Variants in KAT6A observed in about 807,000 individuals in gnomAD.
KAT6A encodes the protein lysine acetyltransferase 6A.
Under a neutral mutation model 198.4 loss-of-function variants are expected in KAT6A, and 9 were observed. That is an observed-to-expected ratio of 0.05 (90% CI 0.03 to 0.08). KAT6A has a LOEUF of 0.08. Ranked by LOEUF, KAT6A falls within the 10% of genes least tolerant of loss-of-function variation. The pLI, the probability that KAT6A is intolerant of heterozygous loss-of-function variation, is 1.00. For missense variants in KAT6A, 2,077 were observed against 2,509.9 expected (o/e 0.83, Z 3.69); for synonymous variants, 890 against 883.0 (o/e 1.01, Z -0.14).
chr8:41,990,994 CAAAAAAAAAAAAAAAA>C (rs61543371), intron 2 of KAT6A, among the ~76,000 whole-genome samples: 9 of 80,752 alleles, frequency 1.1e-4, no homozygotes, highest in African/African-American at 4.7e-4. Flanking sequence ...GACTCCGTCT[CAAAAAAAAAAAAAAAA>C]AAAAAAAAAG....
chr8:42,012,397 G>A (rs1381427153), intron 2 of KAT6A, among the ~76,000 whole-genome samples: 1 of 152,136 alleles, frequency 6.6e-6, no homozygotes, highest in Non-Finnish European at 1.5e-5. Context: ...TTTTGAGATG[G>A]GGGGGTTATC....
chr8:42,025,744 T>C (rs187874742), intron 2 of KAT6A, among the ~76,000 whole-genome samples: 25 of 152,324 alleles, frequency 1.6e-4, no homozygotes, highest in Admixed American at 1.5e-3. Context: ...TGTTGGGCAG[T>C]AGCTCCTTAG....
At chr8:41,949,922 CTTATTTT>C (rs1041824630) in intron 9 of KAT6A, among the ~76,000 whole-genome samples, 35 of 152,266 alleles carry the variant, frequency 2.3e-4, no homozygotes, top group African/African-American at 8.4e-4. Context: ...AACCTCACAT[CTTATTTT>C]TTAAACTGTC....
intron 2 of KAT6A, among the ~76,000 whole-genome samples, chr8:41,996,632 G>A (rs553447035): frequency 7.9e-5 from 12 of 152,218 alleles, no homozygotes; most frequent in African/African-American, 2.6e-4. Context: ...GCTAGTTATC[G>A]TTGGAATTTG....
At chr8:41,940,189 A>G (rs901554517) in intron 15 of KAT6A, among the ~76,000 whole-genome samples, 1 of 152,206 alleles carries the variant, frequency 6.6e-6, no homozygotes, top group Non-Finnish European at 1.5e-5. Flanking sequence ...ATAGCCTGGG[A>G]TGTTTCTGGT....
At chr8:42,018,107 C>A (rs1826358254) in intron 2 of KAT6A, among the ~76,000 whole-genome samples, 1 of 152,188 alleles carries the variant, frequency 6.6e-6, no homozygotes, top group Non-Finnish European at 1.5e-5. Context: ...TGTCACCTTT[C>A]CTTTCTACTA....
chr8:41,976,500 T>C (rs1824061397), intron 7 of KAT6A, among the ~76,000 whole-genome samples: 1 of 152,318 alleles, frequency 6.6e-6, no homozygotes, highest in East Asian at 1.9e-4. Context: ...CTCTCCCTTT[T>C]TAAGTGCAAT....
At chr8:42,027,058 C>A (rs1384674145) in intron 2 of KAT6A, among the ~76,000 whole-genome samples, 1 of 152,112 alleles carries the variant, frequency 6.6e-6, no homozygotes, top group Non-Finnish European at 1.5e-5. Context: ...TGCAATGTAT[C>A]ACATTTATTG....
rs1802684830 is a variant in KAT6A at position 42,051,903 on chromosome 8, G to T, written c.-328C>A. 1.3e-5 allele frequency: 2 copies of T among 150,774 alleles called. No individual in the cohort carries two copies. The highest frequency in any genetic ancestry group is 1.3e-4 in the Admixed American group (2 of 15,188). The allele number at this position is 150,774 out of a possible 1,614,324, so 9.3% of individuals were successfully genotyped here. ...GGAACGGCCCCTCGGCTACTTACCG[G>T]GAGGAAGGACAGCCGAGATCCCGGG... On this transcript the variant is annotated splice_region_variant and 5_prime_UTR_variant, in exon 1 of 17. Transcript: ENST00000265713.
At chr8:41,972,539 C>T (rs1823848324) in intron 8 of KAT6A, among the ~76,000 whole-genome samples, 1 of 152,152 alleles carries the variant, frequency 6.6e-6, no homozygotes, top group Admixed American at 6.5e-5. Flanking sequence ...GAGGACACAG[C>T]ACACCTGTGG....
intron 8 of KAT6A, among the ~76,000 whole-genome samples, chr8:41,959,670 G>A (rs1823095590): frequency 6.6e-6 from 1 of 152,214 alleles, no homozygotes; most frequent in Non-Finnish European, 1.5e-5. Flanking sequence ...TAAAAAGGAA[G>A]GCAATGGTTG....
rs569802846 is a variant in KAT6A at position 42,020,147 on chromosome 8, C to T, written c.600+28231G>A. Among the ~76,000 whole-genome samples, 73 of 152,216 alleles carry T rather than the reference C, an allele frequency of 4.8e-4. 1 individual carries two copies. Among genetic ancestry groups the T allele is most frequent in the African/African-American group, 1.4e-3 (57 of 41,526 alleles). On this transcript the variant is annotated intron_variant, in intron 2 of 16. Transcript: ENST00000265713. Reference sequence around the variant, plus strand: ...CCAATCTAGAACTATAGCCTGCAAGCCAAATCCAGTCTACCACCTGGTTTT... The same window carrying T: ...CCAATCTAGAACTATAGCCTGCAAGTCAAATCCAGTCTACCACCTGGTTTT...
chr8:41,938,228 T>C (rs1455267430), intron 15 of KAT6A, among the ~76,000 whole-genome samples: 1 of 152,242 alleles, frequency 6.6e-6, no homozygotes, highest in African/African-American at 2.4e-5. Context: ...CTTCATTCTA[T>C]AGATGTCAGA....
intron 2 of KAT6A, among the ~76,000 whole-genome samples, chr8:41,993,193 AG>A (rs1424764931): frequency 6.6e-6 from 1 of 152,212 alleles, no homozygotes; most frequent in Non-Finnish European, 1.5e-5. Flanking sequence ...ATCAAAGTGA[AG>A]GGTTGAGGCA....
At chr8:41,937,729 T>C (rs1821925745) in intron 15 of KAT6A, among the ~76,000 whole-genome samples, 161 bp from the exon 16 acceptor site, 2 of 152,216 alleles carry the variant, frequency 1.3e-5, no homozygotes, top group African/African-American at 2.4e-5. Flanking sequence ...TATAGTAAGA[T>C]AATACACTTA....
intron 3 of KAT6A, among the ~76,000 whole-genome samples, chr8:41,986,723 C>G (rs941466969): frequency 2.0e-5 from 3 of 152,158 alleles, no homozygotes; most frequent in African/African-American, 7.2e-5. Context: ...ATGCACCACA[C>G]AATGACGTTT....
intron 2 of KAT6A, among the ~76,000 whole-genome samples, chr8:42,037,108 T>A (rs530380921): frequency 3.3e-5 from 5 of 151,908 alleles, no homozygotes; most frequent in Admixed American, 3.3e-4. Context: ...AAATAAAAAA[T>A]AAAAAAAACT....
intron 16 of KAT6A, among the ~76,000 whole-genome samples, chr8:41,935,607 C>A (rs1384434159): frequency 6.6e-6 from 1 of 151,932 alleles, no homozygotes; most frequent in African/African-American, 2.4e-5. Flanking sequence ...AAAATTTTAA[C>A]CATTTATAAG....
chr8:41,987,348 A>G, intron 3 of KAT6A, 107 bp downstream of exon 3: 1 of 690,474 alleles, frequency 1.4e-6, no homozygotes, highest in South Asian at 1.7e-5. Flanking sequence ...TAAAAGATGT[A>G]TGACTGTATT....
Sources: gnomAD v4.1 joint callset for allele counts (sites outside exome capture counted in the v4.1 genomes callset) on GRCh38, gnomAD v4.1.1 for gene constraint, MANE v1.5 for transcripts, NCBI Gene and HGNC (gene_info 2026-07-23, HGNC 2026-07-21) for gene names.